The following GRIK2 variants were observed in gnomAD, a reference collection of about 807,000 sequenced individuals.
GRIK2 encodes the protein glutamate ionotropic receptor kainate type subunit 2.
A neutral mutation model predicts 100.3 loss-of-function variants in GRIK2; 32 were observed. The ratio of observed to expected loss-of-function variants is 0.32; its 90% CI spans 0.24 to 0.43. The LOEUF is 0.43. Among genes scored for constraint, GRIK2 ranks in the 20% least tolerant of loss-of-function variants. The probability of loss-of-function intolerance (pLI) is 1.00; values close to 1 mark genes in which losing one functional copy is unlikely to be tolerated. For synonymous variants in GRIK2, 417 were observed against 389.4 expected, an observed-to-expected ratio of 1.07 and a Z score of -0.83; for missense variants, 843 against 1,114.9, an observed-to-expected ratio of 0.76 and a Z score of 3.47.
At chr6:101,930,747 T>A (rs1790217018) in intron 14 of GRIK2, among the ~76,000 whole-genome samples, 1 of 152,128 alleles carries the variant, frequency 6.6e-6, no homozygotes, top group Admixed American at 6.6e-5. Flanking sequence ...GTTCTTTTTT[T>A]AATAGTTCAA....
chr6:101,497,232 G>A (rs1287671593), intron 2 of GRIK2, among the ~76,000 whole-genome samples: 1 of 151,926 alleles, frequency 6.6e-6, no homozygotes, highest in East Asian at 1.9e-4. Context: ...CCACAGCATT[G>A]GAATTCTGTA....
At chr6:101,919,661 G>A (rs766829269) in intron 12 of GRIK2, among the ~76,000 whole-genome samples, 1 of 151,764 alleles carries the variant, frequency 6.6e-6, no homozygotes, top group African/African-American at 2.4e-5. Flanking sequence ...TAAGGAAGAA[G>A]GAAAGTTTTG....
chr6:101,659,566 C>A (rs1015694543), intron 4 of GRIK2, among the ~76,000 whole-genome samples: 1 of 152,078 alleles, frequency 6.6e-6, no homozygotes, highest in Non-Finnish European at 1.5e-5. Flanking sequence ...TTCATAGTGT[C>A]GATGGTCTTT....
intron 11 of GRIK2, among the ~76,000 whole-genome samples, chr6:101,871,096 T>C (rs950543946): frequency 6.6e-6 from 1 of 151,878 alleles, no homozygotes; most frequent in African/African-American, 2.4e-5. Flanking sequence ...AAAGGAAATA[T>C]AGTACATGCT....
intron 10 of GRIK2, among the ~76,000 whole-genome samples, chr6:101,850,350 G>C (rs1166735933): frequency 6.6e-6 from 1 of 151,864 alleles, no homozygotes; most frequent in Non-Finnish European, 1.5e-5. Context: ...GTGTATGCTT[G>C]GGTAAATACA....
chr6:101,507,684 T>C (rs1774093383), intron 2 of GRIK2, among the ~76,000 whole-genome samples: 1 of 152,160 alleles, frequency 6.6e-6, no homozygotes, highest in Admixed American at 6.5e-5. Context: ...TCCATTTTTG[T>C]AAAGCTCAAA....
intron 11 of GRIK2, among the ~76,000 whole-genome samples, chr6:101,871,424 T>C (rs1297238520): frequency 6.6e-6 from 1 of 151,910 alleles, no homozygotes. Context: ...TGTGCAGATT[T>C]ATTAGATGGC....
At chr6:101,889,918 T>A in intron 12 of GRIK2, 55 bp downstream of exon 12, 2 of 909,648 alleles carry the variant, frequency 2.2e-6, no homozygotes, top group Non-Finnish European at 3.6e-6. Flanking sequence ...TTTATCTAAC[T>A]AATAATTGTC....
At chr6:101,546,434 T>C (rs1285897148) in intron 2 of GRIK2, among the ~76,000 whole-genome samples, 2 of 152,188 alleles carry the variant, frequency 1.3e-5, no homozygotes, top group Non-Finnish European at 2.9e-5. Context: ...GTTAAAGATC[T>C]CAAAAAGGTA....
At chr6:101,905,094 A>G (rs1404716831) in intron 12 of GRIK2, among the ~76,000 whole-genome samples, 2 of 151,594 alleles carry the variant, frequency 1.3e-5, no homozygotes, top group Non-Finnish European at 3.0e-5. Flanking sequence ...CTAAAAGAGA[A>G]GTAGTGAATT....
At chr6:101,872,218 G>A (rs548733190) in intron 11 of GRIK2, among the ~76,000 whole-genome samples, 2 of 151,970 alleles carry the variant, frequency 1.3e-5, no homozygotes, top group African/African-American at 4.8e-5. Context: ...CATTAACCCA[G>A]TAACCATTTA....
At chr6:101,512,163 A>G (rs1179943779) in intron 2 of GRIK2, among the ~76,000 whole-genome samples, 2 of 151,816 alleles carry the variant, frequency 1.3e-5, no homozygotes, top group Non-Finnish European at 2.9e-5. Context: ...TATTATATGC[A>G]TTATAAAATA....
chr6:101,596,327 A>G (rs1362975919), intron 2 of GRIK2, among the ~76,000 whole-genome samples: 1 of 150,384 alleles, frequency 6.6e-6, no homozygotes, highest in Admixed American at 6.7e-5. Flanking sequence ...AACAACCATC[A>G]CCTAGAAATT....
At chr6:101,564,919 G>A (rs1777181891) in intron 2 of GRIK2, among the ~76,000 whole-genome samples, 2 of 152,082 alleles carry the variant, frequency 1.3e-5, no homozygotes, top group South Asian at 4.1e-4. Flanking sequence ...TGTAGGGTGA[G>A]GGAATGGAGC....
intron 2 of GRIK2, among the ~76,000 whole-genome samples, chr6:101,401,877 G>T (rs1407748219): frequency 6.6e-6 from 1 of 152,132 alleles, no homozygotes; most frequent in African/African-American, 2.4e-5. Context: ...GGAGAGACCC[G>T]CCGCCTCTGC....
At position 101,760,569 on chromosome 6, in the gene GRIK2, TTTAA is replaced by T. The variant is rs1464997876; in HGVS notation, c.952-39071_952-39068del. On this transcript the variant is annotated intron_variant, in intron 7 of 16. Coordinates refer to ENST00000369134, the MANE Select transcript of GRIK2 (RefSeq NM_021956.5). ...TATTTATTATATATAATTAATTATA[TTTAA>T]TTAATTATATATAATTATATATAAT... Among the ~76,000 whole-genome samples, 26 of 96,258 alleles carry T rather than the reference TTTAA, an allele frequency of 2.7e-4. 1 individual carries two copies. The highest frequency in any genetic ancestry group is 1.3e-3 in the African/African-American group (25 of 19,134). The allele number at this position is 96,258 out of a possible 152,430, so 63.1% of individuals were successfully genotyped here.
At chr6:101,645,922 CTTA>C (rs1216856142) in intron 4 of GRIK2, among the ~76,000 whole-genome samples, 1 of 151,864 alleles carries the variant, frequency 6.6e-6, no homozygotes, top group African/African-American at 2.4e-5. Context: ...TTTTTGAAGG[CTTA>C]TTATGCATAT....
At chr6:101,741,463 A>G (rs1776027616) in intron 7 of GRIK2, among the ~76,000 whole-genome samples, 1 of 152,220 alleles carries the variant, frequency 6.6e-6, no homozygotes, top group South Asian at 2.1e-4. Context: ...GTTTATGTAT[A>G]TGTACATTGC....
intron 2 of GRIK2, among the ~76,000 whole-genome samples, chr6:101,573,851 T>A (rs187525770): frequency 1.2e-3 from 180 of 152,084 alleles, no homozygotes; most frequent in Non-Finnish European, 2.0e-3. Context: ...AAAGTGGGGG[T>A]GTTTTTCTTC....
Sources: gnomAD v4.1 joint callset for allele counts (sites outside exome capture counted in the v4.1 genomes callset) on GRCh38, gnomAD v4.1.1 for gene constraint, MANE v1.5 for transcripts, NCBI Gene and HGNC (gene_info 2026-07-23, HGNC 2026-07-21) for gene names.